ADGRL2: variants seen among roughly 807,000 people sequenced by gnomAD.
The protein encoded by ADGRL2 is calcium-independent alpha-latrotoxin receptor 2.
In ADGRL2, 44 loss-of-function variants were observed where a neutral mutation model predicts 157.4. That is an observed-to-expected ratio of 0.28 (90% CI 0.22 to 0.36). The LOEUF (loss-of-function observed/expected upper bound fraction) is 0.36. Among genes scored for constraint, ADGRL2 ranks in the 10% least tolerant of loss-of-function variants. ADGRL2 has a pLI of 1.00. For missense variants in ADGRL2, 1,510 were observed against 1,768.9 expected (o/e 0.85, Z 2.63); for synonymous variants, 585 against 624.7 (o/e 0.94, Z 0.95).
At chr1:81,593,842 T>C (rs2081179478) in intron 3 of ADGRL2, among the ~76,000 whole-genome samples, 2 of 152,180 alleles carry the variant, frequency 1.3e-5, no homozygotes, top group South Asian at 2.1e-4. Flanking sequence ...GATTATCCTT[T>C]AGTAATGAAT....
intron 1 of ADGRL2, among the ~76,000 whole-genome samples, chr1:81,400,289 C>T (rs56340550): frequency 0.078 from 11,775 of 151,928 alleles, 640 homozygotes; most frequent in Non-Finnish European, 0.11. Context: ...CTTTGGGGCC[C>T]GTGTCAAGAC....
chr1:81,964,572 T>A (rs1656480383), intron 11 of ADGRL2, among the ~76,000 whole-genome samples: 1 of 152,118 alleles, frequency 6.6e-6, no homozygotes, highest in South Asian at 2.1e-4. Flanking sequence ...TATAAAAATG[T>A]ATGAATGTTA....
At chr1:81,433,289 T>C (rs1416573963) in intron 1 of ADGRL2, among the ~76,000 whole-genome samples, 3 of 152,240 alleles carry the variant, frequency 2.0e-5, no homozygotes, top group Admixed American at 6.5e-5. Flanking sequence ...GAAAGGATTA[T>C]AGATTAGTGC....
intron 5 of ADGRL2, chr1:81,942,680 A>G (rs961281362): frequency 1.1e-4 from 46 of 420,738 alleles, no homozygotes; most frequent in Non-Finnish European, 2.0e-4. Flanking sequence ...TTAACAGATT[A>G]TAAGATGAAA....
chr1:81,869,153 G>T (rs1012413383), intron 2 of ADGRL2, among the ~76,000 whole-genome samples: 5 of 152,048 alleles, frequency 3.3e-5, no homozygotes, highest in Non-Finnish European at 7.4e-5. Flanking sequence ...GATGAATGTT[G>T]GTGTTGTTGA....
At chr1:81,676,960 GC>G (rs753652454) in intron 3 of ADGRL2, among the ~76,000 whole-genome samples, 1 of 150,722 alleles carries the variant, frequency 6.6e-6, no homozygotes, top group Non-Finnish European at 1.5e-5. Context: ...ACAGGCGTGA[GC>G]CACTGTGCCT....
At chr1:81,513,559 G>T (rs1180577280) in intron 2 of ADGRL2, among the ~76,000 whole-genome samples, 1 of 152,128 alleles carries the variant, frequency 6.6e-6, no homozygotes, top group African/African-American at 2.4e-5. Flanking sequence ...TTATAAAAGA[G>T]GGAAATGTGT....
chr1:81,984,759 A>G, intron 20 of ADGRL2, 48 bp downstream of exon 20: 1 of 1,593,038 alleles, frequency 6.3e-7, no homozygotes, highest in Non-Finnish European at 8.6e-7. Flanking sequence ...TTTATAGAAA[A>G]CCTACTGAGA....
At chr1:81,780,136 G>A (rs891377299) in intron 2 of ADGRL2, among the ~76,000 whole-genome samples, 1 of 152,074 alleles carries the variant, frequency 6.6e-6, no homozygotes. Context: ...CCATCTACAG[G>A]TTCTTGGATT....
At chr1:81,673,668 C>G (rs370248572) in intron 3 of ADGRL2, among the ~76,000 whole-genome samples, 1 of 151,984 alleles carries the variant, frequency 6.6e-6, no homozygotes, top group Non-Finnish European at 1.5e-5. Context: ...GCGCCCACCA[C>G]CACGCCCAGC....
chr1:81,946,193 A>T (rs1649765699), intron 6 of ADGRL2, among the ~76,000 whole-genome samples: 1 of 152,132 alleles, frequency 6.6e-6, no homozygotes, highest in South Asian at 2.1e-4. Context: ...TTGTGCTATA[A>T]AATTATCCAT....
intron 1 of ADGRL2, among the ~76,000 whole-genome samples, chr1:81,821,227 C>G (rs2090960851): frequency 6.6e-6 from 1 of 152,128 alleles, no homozygotes; most frequent in Admixed American, 6.6e-5. Context: ...TTTTGACAAT[C>G]TTAACAAGTC....
intron 3 of ADGRL2, among the ~76,000 whole-genome samples, chr1:81,933,929 G>A (rs538929325): frequency 3.3e-5 from 5 of 151,910 alleles, no homozygotes; most frequent in African/African-American, 9.7e-5. Context: ...CTCTAAATTT[G>A]CCATTTTTCT....
intron 1 of ADGRL2, among the ~76,000 whole-genome samples, chr1:81,370,210 T>A (rs1479709304): frequency 6.6e-6 from 1 of 152,162 alleles, no homozygotes; most frequent in Non-Finnish European, 1.5e-5. Context: ...AATATATAAG[T>A]TTAATTGATT....
intron 3 of ADGRL2, chr1:81,596,469 G>T (rs758843602): frequency 2.2e-6 from 1 of 452,318 alleles, no homozygotes; most frequent in South Asian, 1.8e-5. Context: ...TGTCACCTCC[G>T]GCTCCAAGGG....
At chr1:81,848,451 C>G (rs2092878448) in intron 2 of ADGRL2, among the ~76,000 whole-genome samples, 1 of 151,776 alleles carries the variant, frequency 6.6e-6, no homozygotes. Context: ...AACTGCCAGT[C>G]CAGTTTTCTT....
chr1:81,501,917 C>G, intron 2 of ADGRL2: 1 of 1,613,820 alleles, frequency 6.2e-7, no homozygotes, highest in South Asian at 1.1e-5. Flanking sequence ...TGCCCAAAAG[C>G]TGGTCACGCA....
intron 3 of ADGRL2, among the ~76,000 whole-genome samples, chr1:81,923,670 T>TA (rs2095040600): frequency 6.6e-6 from 1 of 152,132 alleles, no homozygotes; most frequent in African/African-American, 2.4e-5. Flanking sequence ...TTCCTTTGAT[T>TA]AAAAAACCTT....
intron 1 of ADGRL2, among the ~76,000 whole-genome samples, chr1:81,343,880 T>C (rs532800592): frequency 6.6e-6 from 1 of 152,220 alleles, no homozygotes; most frequent in Admixed American, 6.5e-5. Flanking sequence ...ATACCCCTAA[T>C]ACATTTGGGA....
Sources: allele counts gnomAD v4.1 joint callset (sites outside exome capture counted in the v4.1 genomes callset), GRCh38; gene constraint gnomAD v4.1.1; transcripts MANE v1.5; gene names NCBI Gene and HGNC (gene_info 2026-07-23, HGNC 2026-07-21).